Variants in MARCHF7 observed in about 807,000 individuals in gnomAD.
MARCHF7 encodes E3 ubiquitin-protein ligase MARCHF7.
In MARCHF7, 20 loss-of-function variants were observed where a neutral mutation model predicts 76.5. The observed-to-expected ratio is 0.26, with a 90% CI of 0.18 to 0.38. The LOEUF (loss-of-function observed/expected upper bound fraction) is 0.38, where lower values mean the gene tolerates loss of function less well. Ranked by LOEUF, MARCHF7 falls within the 10% of genes least tolerant of loss-of-function variation. MARCHF7 has a pLI of 1.00. For synonymous variants in MARCHF7, 295 were observed against 293.0 expected (o/e 1.01, Z -0.07); for missense variants, 797 against 812.9 (o/e 0.98, Z 0.24).
rs1707985037 is a variant in MARCHF7 at position 159,768,102 on chromosome 2, A to G, written c.*760A>G. On this transcript the variant is annotated 3_prime_UTR_variant, in exon 12 of 12. Coordinates refer to ENST00000409175, the MANE Select transcript of MARCHF7 (RefSeq NM_001282805.2). The stretch of plus-strand genomic sequence containing the variant: ...CAGTCAAATGCTATTTGGTTTAAAA[A>G]AATTATTGCAATCTCAAGTTAATGG... 6.6e-6 allele frequency: 1 copy of G among 152,618 alleles called. No homozygotes were observed. Among genetic ancestry groups the G allele is most frequent in the Admixed American group, 6.5e-5 (1 of 15,284 alleles). The allele number at this position is 152,618 out of a possible 1,614,324, so 9.5% of individuals were successfully genotyped here. A position where few individuals can be genotyped will look rare whatever the true frequency, so the allele number is the denominator to read the frequency against.
chr2:159,716,890 TAACA>T (rs1344592868), intron 3 of MARCHF7, among the ~76,000 whole-genome samples: 1 of 152,200 alleles, frequency 6.6e-6, no homozygotes, highest in Non-Finnish European at 1.5e-5. Context: ...TATGGCTGCA[TAACA>T]AACCACCTCG....
At chr2:159,740,140 A>G (rs1385287059) in intron 4 of MARCHF7, among the ~76,000 whole-genome samples, 2 of 152,076 alleles carry the variant, frequency 1.3e-5, no homozygotes, top group Non-Finnish European at 2.9e-5. Flanking sequence ...ATAGGGACTT[A>G]TTTCTTGATA....
intron 7 of MARCHF7, among the ~76,000 whole-genome samples, chr2:159,750,181 C>CGTAA (rs975791480): frequency 3.3e-5 from 5 of 152,214 alleles, no homozygotes; most frequent in Admixed American, 3.3e-4. Context: ...GCTGAAATTA[C>CGTAA]AGGCATGAGC....
At chr2:159,724,731 A>G (rs777720911) in intron 3 of MARCHF7, among the ~76,000 whole-genome samples, 1 of 152,134 alleles carries the variant, frequency 6.6e-6, no homozygotes, top group Non-Finnish European at 1.5e-5. Flanking sequence ...CGTGCACAAC[A>G]TGCAGATTTG....
intron 4 of MARCHF7, among the ~76,000 whole-genome samples, chr2:159,739,670 T>C (rs748615557): frequency 6.6e-6 from 1 of 152,182 alleles, no homozygotes; most frequent in Non-Finnish European, 1.5e-5. Context: ...AAAAAAACAA[T>C]TGCTTCAGAC....
intron 10 of MARCHF7, 82 bp from the exon 11 acceptor site, chr2:159,764,544 A>T: frequency 9.4e-7 from 1 of 1,062,832 alleles, no homozygotes; most frequent in East Asian, 2.8e-5. Flanking sequence ...TTTTAAGTAG[A>T]AATGAATCTC....
At chr2:159,716,818 G>T (rs1162354675) in intron 3 of MARCHF7, among the ~76,000 whole-genome samples, 2 of 152,208 alleles carry the variant, frequency 1.3e-5, no homozygotes, top group Non-Finnish European at 2.9e-5. Context: ...TTCAGAGACT[G>T]CAGGCATAAG....
rs547540662 is a variant in MARCHF7 at position 159,726,557 on chromosome 2, C to T, written c.-14-2452C>T. The stretch of plus-strand genomic sequence containing the variant: ...GATTACAGGCATGAGCCACCGCCCC[C>T]GGCCAGATACAGGTTTTAATTTAAC... On this transcript the variant is annotated intron_variant, in intron 3 of 11. Transcript: ENST00000409175. Among the ~76,000 whole-genome samples the T allele has an allele frequency of 7.9e-5, 12 of 152,210 alleles. No homozygotes were observed. The East Asian group carries it at 1.9e-3, about 25-fold the overall frequency.
At position 159,716,866 on chromosome 2, in the gene MARCHF7, A is replaced by G. The variant is rs146826142; in HGVS notation, c.-15+1100A>G. On this transcript the variant is annotated intron_variant, in intron 3 of 11. Coordinates refer to ENST00000409175, the MANE Select transcript of MARCHF7 (RefSeq NM_001282805.2). ...TAACAGTAGAAAATAAGGATAAGTA[A>G]TGAATCTTTGTTCTATGGCTGCATA... is the stretch of plus-strand genomic sequence containing the variant. 3.0e-4 allele frequency among the ~76,000 whole-genome samples: 46 copies of G among 152,324 alleles called. No individual in the cohort carries two copies. In the East Asian group the frequency reaches 8.3e-3, roughly 27 times the overall value.
intron 3 of MARCHF7, among the ~76,000 whole-genome samples, chr2:159,727,564 G>T (rs1559995732): frequency 6.6e-6 from 1 of 152,160 alleles, no homozygotes; most frequent in African/African-American, 2.4e-5. Context: ...CTCTAGCCTG[G>T]GCAACAGAGT....
chr2:159,719,932 A>T (rs573921323), intron 3 of MARCHF7, among the ~76,000 whole-genome samples: 1 of 152,188 alleles, frequency 6.6e-6, no homozygotes, highest in South Asian at 2.1e-4. Context: ...TATGACCTTT[A>T]TTATTGCTTT....
At position 159,768,870 on chromosome 2, in the gene MARCHF7, CTTTA is replaced by C. The variant is rs1326517861; in HGVS notation, c.*1533_*1536del. On this transcript the variant is annotated 3_prime_UTR_variant, in exon 12 of 12. Transcript: ENST00000409175. ...GTTGTCTTCTGCTTAACCCATAAAA[CTTTA>C]TTTAAAAAATTTAACTAGATGGTAC... is the stretch of plus-strand genomic sequence containing the variant. 6.6e-6 allele frequency: 1 copy of C among 152,052 alleles called. No homozygotes were observed. The highest frequency in any genetic ancestry group is 2.4e-5 in the African/African-American group (1 of 41,424). 9.4% of individuals were successfully genotyped at this position (152,052 alleles called of 1,614,324 possible).
At chr2:159,732,235 T>C (rs143136637) in intron 4 of MARCHF7, among the ~76,000 whole-genome samples, 7 of 152,152 alleles carry the variant, frequency 4.6e-5, no homozygotes, top group Non-Finnish European at 1.0e-4. Context: ...TTTTCATGTA[T>C]TTAAGTACCC....
rs998229472 is a variant in MARCHF7 at position 159,739,287 on chromosome 2, C to T, written c.154-3774C>T. 5.3e-5 allele frequency among the ~76,000 whole-genome samples: 8 copies of T among 152,336 alleles called. No individual in the cohort carries two copies. The East Asian group carries it at 1.2e-3, about 22-fold the overall frequency. ...CCTGCCACGCCTCCCCTGCTGCAGC[C>T]GGCGTCTTTGTGGCAGCCGCTCCAG... On this transcript the variant is annotated intron_variant, in intron 4 of 11. Coordinates refer to ENST00000409175, the MANE Select transcript of MARCHF7 (RefSeq NM_001282805.2).
chr2:159,714,763 A>G (rs1040230051), intron 2 of MARCHF7, among the ~76,000 whole-genome samples, 165 bp downstream of exon 2: 4 of 152,130 alleles, frequency 2.6e-5, no homozygotes, highest in Non-Finnish European at 5.9e-5. Context: ...CTCTACGGGC[A>G]TGGTGGTGCG....
intron 1 of MARCHF7, among the ~76,000 whole-genome samples, chr2:159,712,843 G>A (rs1700369179): frequency 6.6e-6 from 1 of 152,242 alleles, no homozygotes; most frequent in Non-Finnish European, 1.5e-5. Flanking sequence ...GGCCTCCCTT[G>A]CCAGGGGCCT....
Position 159,748,549 on chromosome 2 carries a change from G to C in MARCHF7, c.1259G>C (p.Arg420Thr). 1 of 1,614,208 alleles carries C rather than the reference G, an allele frequency of 6.2e-7. No homozygotes were observed. The highest frequency in any genetic ancestry group is 8.5e-7 in the Non-Finnish European group (1 of 1,180,034). The part of the protein sequence containing the change: ...SRIPTSDTSS[R>T]SHIFRRESNE... ...ATACCTACCTCTGATACATCATCTA[G>C]ATCTCATATTTTTAGAAGAGAATCA... The change falls in exon 7 of 12, where the codon AGA (arginine) becomes ACA (threonine). Residue 420 changes from arginine (R) to threonine (T), a missense_variant. By Grantham distance (71) the Arg-to-Thr change is moderately conservative. Coordinates refer to ENST00000409175, the MANE Select transcript of MARCHF7 (RefSeq NM_001282805.2).
At position 159,769,295 on chromosome 2, in the gene MARCHF7, A is replaced by C. The variant is rs1005390371; in HGVS notation, c.*1953A>C. ...ACAAGCCTGCCTGTGTAATCCAATTATCTCTTCACTAATGAGTAGATAAGG... is the reference window on the plus strand; with the variant it reads ...ACAAGCCTGCCTGTGTAATCCAATTCTCTCTTCACTAATGAGTAGATAAGG... On this transcript the variant is annotated 3_prime_UTR_variant, in exon 12 of 12. Coordinates refer to ENST00000409175, the MANE Select transcript of MARCHF7 (RefSeq NM_001282805.2). 1 of 152,222 alleles carries C rather than the reference A, an allele frequency of 6.6e-6. No homozygotes were observed. Among genetic ancestry groups the C allele is most frequent in the African/African-American group, 2.4e-5 (1 of 41,444 alleles). 9.4% of individuals were successfully genotyped at this position (152,222 alleles called of 1,614,324 possible).
intron 4 of MARCHF7, among the ~76,000 whole-genome samples, chr2:159,731,014 C>T (rs4665110): frequency 0.34 from 52,343 of 151,970 alleles, 9,218 homozygotes; most frequent in South Asian, 0.44. Flanking sequence ...CTCAGCCTCT[C>T]CTCCAGCAGC....
Sources: allele counts gnomAD v4.1 joint callset (sites outside exome capture counted in the v4.1 genomes callset), GRCh38; gene constraint gnomAD v4.1.1; transcripts MANE v1.5; gene names NCBI Gene and HGNC (gene_info 2026-07-23, HGNC 2026-07-21).